The following SLC24A2 variants were observed in gnomAD, a reference collection of about 807,000 sequenced individuals.
SLC24A2 encodes the protein sodium/potassium/calcium exchanger 2.
SLC24A2 carries 36 observed loss-of-function variants against 62.0 expected under a neutral mutation model. The ratio of observed to expected loss-of-function variants is 0.58; its 90% CI spans 0.44 to 0.77. SLC24A2 has a LOEUF of 0.77. Among genes scored for constraint, SLC24A2 ranks in the 30% least tolerant of loss-of-function variants. SLC24A2 has a pLI of 0.00. For missense variants in SLC24A2, 846 were observed against 817.9 expected (o/e 1.03, Z -0.42); for synonymous variants, 358 against 294.0 (o/e 1.22, Z -2.23).
At chr9:20,186,309 C>G in the SLC24A2 span, among the ~76,000 whole-genome samples, 3 of 152,168 alleles carry the variant, frequency 2.0e-5, no homozygotes, top group Admixed American at 6.5e-5. Flanking sequence ...CCTGTTTAAC[C>G]TGCTTATCTC....
At chr9:19,519,060 A>G (rs990530927) in intron 10 of SLC24A2, among the ~76,000 whole-genome samples, 64 of 152,188 alleles carry the variant, frequency 4.2e-4, no homozygotes, top group African/African-American at 1.5e-3. Flanking sequence ...AATCCTATAA[A>G]TGATAATGAA....
chr9:20,003,677 T>C, the SLC24A2 span, among the ~76,000 whole-genome samples: 1 of 152,118 alleles, frequency 6.6e-6, no homozygotes, highest in African/African-American at 2.4e-5. Flanking sequence ...TTGTGGGTCA[T>C]AGGGTTTCTG....
chr9:20,213,947 C>T, the SLC24A2 span, among the ~76,000 whole-genome samples: 6 of 152,140 alleles, frequency 3.9e-5, no homozygotes, highest in Non-Finnish European at 7.4e-5. Context: ...CCCATGTAAG[C>T]GGCATCATGC....
intron 7 of SLC24A2, among the ~76,000 whole-genome samples, chr9:19,554,024 G>A (rs1168119811): frequency 1.3e-5 from 2 of 152,168 alleles, no homozygotes; most frequent in African/African-American, 2.4e-5. Flanking sequence ...CTTATTTGGA[G>A]ATAGGATCTT....
the SLC24A2 span, among the ~76,000 whole-genome samples, chr9:20,025,503 A>T: frequency 6.6e-5 from 10 of 152,198 alleles, no homozygotes; most frequent in African/African-American, 2.4e-4. Context: ...TTGGGTGAAC[A>T]TTATTACCTG....
At chr9:20,304,811 G>A in the SLC24A2 span, among the ~76,000 whole-genome samples, 1 of 152,096 alleles carries the variant, frequency 6.6e-6, no homozygotes, top group Admixed American at 6.6e-5. Flanking sequence ...CTTGCCTAAA[G>A]TCTCAGGGAT....
At chr9:20,042,210 G>A in the SLC24A2 span, among the ~76,000 whole-genome samples, 2 of 152,200 alleles carry the variant, frequency 1.3e-5, no homozygotes, top group South Asian at 4.1e-4. Flanking sequence ...CAGCCTCTAA[G>A]TATATTTAAA....
the SLC24A2 span, among the ~76,000 whole-genome samples, chr9:20,019,691 A>C: frequency 6.6e-6 from 1 of 152,172 alleles, no homozygotes; most frequent in Non-Finnish European, 1.5e-5. Context: ...ACACCGAAAG[A>C]AATGGCAACA....
chr9:20,265,178 G>C, the SLC24A2 span, among the ~76,000 whole-genome samples: 3 of 152,230 alleles, frequency 2.0e-5, no homozygotes, highest in Non-Finnish European at 4.4e-5. Context: ...GGATTAGAAA[G>C]GACGGACATC....
the SLC24A2 span, among the ~76,000 whole-genome samples, chr9:19,918,012 G>A: frequency 9.2e-5 from 14 of 151,896 alleles, no homozygotes; most frequent in African/African-American, 3.4e-4. Flanking sequence ...CTTGTATTAA[G>A]GAAGCATCCT....
At chr9:19,578,082 T>G (rs1364742282) in intron 5 of SLC24A2, among the ~76,000 whole-genome samples, 1 of 146,952 alleles carries the variant, frequency 6.8e-6, no homozygotes, top group Admixed American at 6.8e-5. Flanking sequence ...TTTGGGGACT[T>G]GGGGGGAAGA....
the SLC24A2 span, among the ~76,000 whole-genome samples, chr9:19,905,633 G>A: frequency 6.6e-6 from 1 of 151,748 alleles, no homozygotes; most frequent in African/African-American, 2.4e-5. Flanking sequence ...GGCTGCTCAC[G>A]AACTCCCAAC....
chr9:19,987,983 C>G, the SLC24A2 span, among the ~76,000 whole-genome samples: 2 of 152,108 alleles, frequency 1.3e-5, no homozygotes, highest in East Asian at 1.9e-4. Context: ...AACAAAAACA[C>G]TTTTGTAAAA....
the SLC24A2 span, among the ~76,000 whole-genome samples, chr9:20,136,974 C>T: frequency 2.6e-5 from 4 of 152,016 alleles, no homozygotes; most frequent in East Asian, 3.9e-4. Context: ...GGTGTGTTTA[C>T]GCTAATTAAG....
chr9:19,547,252 C>T (rs1834627140), intron 8 of SLC24A2, among the ~76,000 whole-genome samples: 1 of 152,136 alleles, frequency 6.6e-6, no homozygotes, highest in Admixed American at 6.5e-5. Flanking sequence ...AAAAGAAATC[C>T]AGTCCATTCC....
At chr9:19,692,979 C>A (rs769515625) in intron 2 of SLC24A2, among the ~76,000 whole-genome samples, 146 of 152,264 alleles carry the variant, frequency 9.6e-4, no homozygotes, top group Non-Finnish European at 1.8e-3. Flanking sequence ...TAACTTCTAA[C>A]AGGTTGTGTT....
At chr9:20,047,707 C>A in the SLC24A2 span, among the ~76,000 whole-genome samples, 1 of 149,622 alleles carries the variant, frequency 6.7e-6, no homozygotes, top group African/African-American at 2.5e-5. Flanking sequence ...CCTCTGGGGT[C>A]TCTTCAATAA....
chr9:20,091,103 C>T, the SLC24A2 span, among the ~76,000 whole-genome samples: 1 of 148,906 alleles, frequency 6.7e-6, no homozygotes, highest in African/African-American at 2.5e-5. Flanking sequence ...AGGAAACAAT[C>T]TGAGAAATTG....
Position 19,515,089 on chromosome 9 carries a change from T to C in SLC24A2, c.*1064A>G, listed in dbSNP as rs1832873657. 1 of 152,164 alleles carries C rather than the reference T, an allele frequency of 6.6e-6. No individual in the cohort carries two copies. The highest frequency in any genetic ancestry group is 1.5e-5 in the Non-Finnish European group (1 of 68,026). The allele number at this position is 152,164 out of a possible 1,614,324, so 9.4% of individuals were successfully genotyped here. A position where few individuals can be genotyped will look rare whatever the true frequency, so the allele number is the denominator to read the frequency against. On this transcript the variant is annotated 3_prime_UTR_variant, in exon 11 of 11. Coordinates refer to ENST00000341998, the MANE Select transcript of SLC24A2 (RefSeq NM_020344.4). ...CCCTTAGCATCAAAATATATCTACA[T>C]GACAATCACAGCTAAACTTACCCCT... is the stretch of plus-strand genomic sequence containing the variant.
Sources: gnomAD v4.1 joint callset for allele counts (sites outside exome capture counted in the v4.1 genomes callset) on GRCh38, gnomAD v4.1.1 for gene constraint, MANE v1.5 for transcripts, NCBI Gene and HGNC (gene_info 2026-07-23, HGNC 2026-07-21) for gene names.